Variants in TVP23C observed in about 807,000 individuals in gnomAD.
TVP23C encodes Golgi apparatus membrane protein TVP23 homolog C.
Under a neutral mutation model 28.7 loss-of-function variants are expected in TVP23C, and 19 were observed. The observed-to-expected ratio is 0.66, with a 90% confidence interval of 0.46 to 0.97. TVP23C has a LOEUF of 0.97. TVP23C is among the 50% of genes least tolerant of loss of function. The pLI, the probability that TVP23C is intolerant of heterozygous loss-of-function variation, is 0.00. For missense variants in TVP23C, 186 were observed against 241.3 expected (o/e 0.77, Z 1.52); for synonymous variants, 68 against 81.7 (o/e 0.83, Z 0.90).
intron 5 of TVP23C, among the ~76,000 whole-genome samples, chr17:15,505,700 G>C (rs1468161840): frequency 3.3e-5 from 5 of 152,262 alleles, no homozygotes; most frequent in Non-Finnish European, 5.9e-5. Context: ...TGTGGAGGGA[G>C]AGGGGCGAGC....
intron 5 of TVP23C, among the ~76,000 whole-genome samples, chr17:15,543,902 G>A (rs1439079826): frequency 1.3e-5 from 2 of 151,714 alleles, no homozygotes; most frequent in Non-Finnish European, 2.9e-5. Flanking sequence ...AACGTAACTG[G>A]TACTTCAAAA....
At chr17:15,557,714 A>G (rs1412957243) in intron 1 of TVP23C, among the ~76,000 whole-genome samples, 1 of 140,420 alleles carries the variant, frequency 7.1e-6, no homozygotes, top group Non-Finnish European at 1.6e-5. Context: ...TATACAGCTG[A>G]CTGTGATCAG....
chr17:15,505,531 T>C (rs1433369935), intron 5 of TVP23C, among the ~76,000 whole-genome samples: 2 of 152,128 alleles, frequency 1.3e-5, no homozygotes, highest in Admixed American at 1.3e-4. Flanking sequence ...GGTGACAGCG[T>C]GCTGGCAGTC....
At chr17:15,517,046 A>C (rs910608052) in intron 5 of TVP23C, among the ~76,000 whole-genome samples, 3 of 152,234 alleles carry the variant, frequency 2.0e-5, no homozygotes, top group Non-Finnish European at 2.9e-5. Context: ...GAGCCAACCC[A>C]AAAGAGGCTG....
At position 15,503,207 on chromosome 17, in the gene TVP23C, G is replaced by C. The variant is rs1286319518; in HGVS notation, c.488C>G (p.Thr163Ser). 4.5e-6 allele frequency: 7 copies of C among 1,551,662 alleles called. No homozygotes were observed. In the South Asian group the frequency reaches 8.3e-5, roughly 18 times the overall value. ...TCTTGAGCCCAAGACTTTCAGACCA[G>C]TCTGGGCAATGTGGCGAGACCGTCT... is the stretch of plus-strand genomic sequence containing the variant. The change falls in exon 6 of 6, where the codon ACT becomes AGT. Residue 163 changes from threonine (T) to serine (S), a missense_variant. Transcript: ENST00000225576.
At chr17:15,526,673 T>G (rs2938173) in intron 5 of TVP23C, among the ~76,000 whole-genome samples, 20 of 152,334 alleles carry the variant, frequency 1.3e-4, no homozygotes, top group African/African-American at 3.8e-4. Flanking sequence ...GCTGCTCCAG[T>G]ATGCGTTGGT....
chr17:15,502,895 G>A, exon 6 of TVP23C: 1 of 1,593,240 alleles, frequency 6.3e-7, no homozygotes. Flanking sequence ...ATGAAATTTT[G>A]GCCCGGGCTC....
At chr17:15,546,876 GT>G (rs532653735) in intron 4 of TVP23C, among the ~76,000 whole-genome samples, 182 bp downstream of exon 4, 2 of 152,050 alleles carry the variant, frequency 1.3e-5, no homozygotes, top group South Asian at 4.2e-4. Flanking sequence ...TATATTGCTT[GT>G]TTCTGGTCTG....
chr17:15,544,837 A>T, intron 5 of TVP23C, among the ~76,000 whole-genome samples: 1 of 152,126 alleles, frequency 6.6e-6, no homozygotes, highest in Middle Eastern at 3.2e-3. Context: ...CACACAAAGA[A>T]AAAAAGAATC....
rs754445506 is a variant in TVP23C at position 15,540,432 on chromosome 17, C to T, written c.592G>A (p.Val198Ile). Residue 198 changes from valine to isoleucine, a missense_variant, in exon 6 of 6, where the codon GTA becomes ATA. Val to Ile is a conservative substitution (Grantham distance 29). Transcript: ENST00000518321. ...ACTGATCACATCCAGAAAACACTTA[C>T]TTGTCTTAAAAACTGCTTTCCAAAA... ...SYFGKQFLRQ[V>I]SVFWM The T allele has an allele frequency of 8.8e-6, 14 of 1,599,144 alleles. No individual in the cohort carries two copies. Among genetic ancestry groups the T allele is most frequent in the African/African-American group, 1.4e-5 (1 of 73,798 alleles).
At chr17:15,508,210 G>A (rs1418790054) in intron 5 of TVP23C, among the ~76,000 whole-genome samples, 2 of 152,120 alleles carry the variant, frequency 1.3e-5, no homozygotes, top group Admixed American at 6.5e-5. Context: ...CAGTTGGTGA[G>A]GACTGGCTCC....
In TVP23C at chr17:15,537,565, C is replaced by T. The variant is rs1983207019; in HGVS notation, c.*2847G>A. ...TAAAATTTTATAAAGTAGTTAATAC[C>T]ACTGGCCCTAATTGTTTTCACTTGC... On this transcript the variant is annotated 3_prime_UTR_variant, in exon 6 of 6. Coordinates refer to ENST00000518321, the MANE Select transcript of TVP23C (RefSeq NM_001135036.2). 4.1e-6 allele frequency: 4 copies of T among 983,862 alleles called. No homozygotes were observed. Among genetic ancestry groups the T allele is most frequent in the Non-Finnish European group, 4.8e-6 (4 of 828,648 alleles). 60.9% of individuals were successfully genotyped at this position (983,862 alleles called of 1,614,324 possible). A position where few individuals can be genotyped will look rare whatever the true frequency, so the allele number is the denominator to read the frequency against.
At chr17:15,513,559 A>C (rs1014783146) in intron 5 of TVP23C, among the ~76,000 whole-genome samples, 1 of 152,192 alleles carries the variant, frequency 6.6e-6, no homozygotes, top group Admixed American at 6.5e-5. Flanking sequence ...TAAATCTCTC[A>C]AGCCATCTAA....
intron 5 of TVP23C, among the ~76,000 whole-genome samples, chr17:15,507,568 G>A (rs1441952316): frequency 1.3e-5 from 2 of 152,214 alleles, no homozygotes; most frequent in African/African-American, 4.8e-5. Flanking sequence ...GCCGGGCGCG[G>A]TGGCTCACGC....
At chr17:15,563,114 G>T in intron 1 of TVP23C, 1 of 428,668 alleles carries the variant, frequency 2.3e-6, no homozygotes, top group South Asian at 4.7e-5. Context: ...GAAGCTAAGA[G>T]GCCCGCAGGC....
At chr17:15,506,935 C>T in intron 5 of TVP23C, 1 of 1,161,774 alleles carries the variant, frequency 8.6e-7, no homozygotes. Context: ...CTCCTTTGAG[C>T]TGTTTGCAAA....
rs539737943 is a variant in TVP23C at position 15,537,948 on chromosome 17, T to A, written c.*2464A>T. On this transcript the variant is annotated 3_prime_UTR_variant, in exon 6 of 6. Coordinates refer to ENST00000518321, the MANE Select transcript of TVP23C (RefSeq NM_001135036.2). ...CCAACATATACTTTCTAGCCCCAACTGCTGGAAAGGAAATAAAAACTTAAT... is the reference window on the plus strand; with the variant it reads ...CCAACATATACTTTCTAGCCCCAACAGCTGGAAAGGAAATAAAAACTTAAT... 8.4e-4 allele frequency: 1,214 copies of A among 1,448,874 alleles called. 17 individuals carry two copies. The South Asian group carries it at 0.018, about 21-fold the overall frequency. The allele number at this position is 1,448,874 out of a possible 1,614,324, so 89.8% of individuals were successfully genotyped here.
intron 1 of TVP23C, among the ~76,000 whole-genome samples, 200 bp from the exon 2 acceptor site, chr17:15,555,564 T>C (rs1984094353): frequency 6.6e-6 from 1 of 152,202 alleles, no homozygotes; most frequent in African/African-American, 2.4e-5. Flanking sequence ...CAGAGAATAA[T>C]CGAAGTCTCA....
chr17:15,520,027 A>G (rs1267678945), intron 5 of TVP23C, among the ~76,000 whole-genome samples: 1 of 151,828 alleles, frequency 6.6e-6, no homozygotes, highest in Non-Finnish European at 1.5e-5. Flanking sequence ...TAGCTTGGTC[A>G]CTTGCCACTA....
Sources: gnomAD v4.1 joint callset for allele counts (sites outside exome capture counted in the v4.1 genomes callset) on GRCh38, gnomAD v4.1.1 for gene constraint, MANE v1.5 for transcripts, NCBI Gene and HGNC (gene_info 2026-07-23, HGNC 2026-07-21) for gene names.